The following NRXN3 variants were observed in gnomAD, a reference collection of about 807,000 sequenced individuals.
NRXN3 encodes neurexin III.
NRXN3 carries 32 observed loss-of-function variants against 137.6 expected under a neutral mutation model. The observed-to-expected ratio is 0.23, with a 90% confidence interval of 0.18 to 0.31. The LOEUF (loss-of-function observed/expected upper bound fraction) is 0.31, where lower values mean the gene tolerates loss of function less well. NRXN3 is among the 10% of genes least tolerant of loss of function. NRXN3 has a pLI of 1.00. For synonymous variants in NRXN3, 798 were observed against 784.5 expected, an observed-to-expected ratio of 1.02 and a Z score of -0.29; for missense variants, 1,574 against 2,062.5, an observed-to-expected ratio of 0.76 and a Z score of 4.59.
At chr14:78,318,954 C>G (rs1420433646) in intron 4 of NRXN3, among the ~76,000 whole-genome samples, 1 of 152,174 alleles carries the variant, frequency 6.6e-6, no homozygotes, top group African/African-American at 2.4e-5. Flanking sequence ...GCAGGTTCTG[C>G]GTGGGGAGGG....
intron 15 of NRXN3, among the ~76,000 whole-genome samples, chr14:79,422,338 C>T (rs1002077223): frequency 2.0e-5 from 3 of 152,108 alleles, no homozygotes; most frequent in Non-Finnish European, 4.4e-5. Flanking sequence ...TGTAGGATTA[C>T]AGGCATGAGC....
At chr14:79,481,071 T>G (rs2096603550) in intron 16 of NRXN3, among the ~76,000 whole-genome samples, 1 of 152,110 alleles carries the variant, frequency 6.6e-6, no homozygotes, top group South Asian at 2.1e-4. Context: ...TCAAGTGTAG[T>G]TCTAAGTGCT....
At chr14:78,290,003 C>G (rs1596871174) in intron 3 of NRXN3, among the ~76,000 whole-genome samples, 1 of 152,322 alleles carries the variant, frequency 6.6e-6, no homozygotes, top group East Asian at 1.9e-4. Context: ...ATAGTAGTTC[C>G]TTGAGCTGTT....
chr14:78,195,075 T>C, intron 1 of NRXN3, among the ~76,000 whole-genome samples: 1 of 146,356 alleles, frequency 6.8e-6, no homozygotes, highest in African/African-American at 2.8e-5. Flanking sequence ...CCCCCACCCT[T>C]TTTTTTCCCT....
At chr14:78,960,584 A>G (rs2099406189) in intron 11 of NRXN3, among the ~76,000 whole-genome samples, 1 of 152,208 alleles carries the variant, frequency 6.6e-6, no homozygotes. Context: ...AGTTCGGGTG[A>G]CAGTTAATAA....
intron 7 of NRXN3, chr14:78,709,975 C>T (rs929313680): frequency 2.7e-5 from 8 of 293,626 alleles, no homozygotes; most frequent in Non-Finnish European, 5.1e-5. Context: ...TGATCCGCCC[C>T]CATTGCCCCA....
intron 15 of NRXN3, among the ~76,000 whole-genome samples, chr14:79,172,006 C>A (rs1364957200): frequency 6.6e-6 from 1 of 152,006 alleles, no homozygotes; most frequent in Non-Finnish European, 1.5e-5. Context: ...AAAAGCAAAA[C>A]AAGACACATT....
intron 15 of NRXN3, among the ~76,000 whole-genome samples, chr14:79,399,626 A>G (rs2095132505): frequency 6.6e-6 from 1 of 152,254 alleles, no homozygotes; most frequent in Non-Finnish European, 1.5e-5. Flanking sequence ...AACTATAATT[A>G]TGCATTGATT....
At chr14:79,184,932 G>GT (rs887333061) in intron 15 of NRXN3, among the ~76,000 whole-genome samples, 6 of 151,954 alleles carry the variant, frequency 3.9e-5, no homozygotes, top group African/African-American at 1.2e-4. Context: ...AGGCTCTCAG[G>GT]TTTTTTTGAT....
intron 10 of NRXN3, among the ~76,000 whole-genome samples, chr14:78,843,802 T>C (rs1245808288): frequency 9.2e-5 from 14 of 152,150 alleles, no homozygotes. Flanking sequence ...ATATATAGGC[T>C]GAAGGACCTA....
chr14:78,928,458 A>C (rs1043390024), intron 10 of NRXN3, among the ~76,000 whole-genome samples: 2 of 151,358 alleles, frequency 1.3e-5, no homozygotes, highest in Admixed American at 6.6e-5. Flanking sequence ...CCTTACTCCC[A>C]CCCCACAACA....
At chr14:78,988,240 A>G in intron 15 of NRXN3, 99 bp downstream of exon 15, 1 of 1,422,008 alleles carries the variant, frequency 7.0e-7, no homozygotes, top group Non-Finnish European at 9.9e-7. Flanking sequence ...CTTCTGAAAG[A>G]TTCATAAGTA....
intron 16 of NRXN3, among the ~76,000 whole-genome samples, chr14:79,503,980 T>C (rs2096848910): frequency 6.6e-6 from 1 of 152,228 alleles, no homozygotes; most frequent in African/African-American, 2.4e-5. Context: ...CAAGGTACAA[T>C]TTCCATAGCT....
chr14:78,876,629 T>C (rs2152606479), intron 10 of NRXN3, among the ~76,000 whole-genome samples: 1 of 152,330 alleles, frequency 6.6e-6, no homozygotes, highest in African/African-American at 2.4e-5. Flanking sequence ...CTGTGAATTG[T>C]CTTCTTAATT....
chr14:79,019,575 G>T (rs2099585252), intron 15 of NRXN3, among the ~76,000 whole-genome samples: 1 of 152,092 alleles, frequency 6.6e-6, no homozygotes, highest in South Asian at 2.1e-4. Flanking sequence ...GTGAGGAAAA[G>T]AATTATGTCC....
chr14:78,470,798 A>G (rs2095248907), intron 4 of NRXN3, among the ~76,000 whole-genome samples: 1 of 152,196 alleles, frequency 6.6e-6, no homozygotes, highest in African/African-American at 2.4e-5. Context: ...ACTTTACAGT[A>G]TAAAAAATCC....
At chr14:79,406,833 T>G (rs1045532205) in intron 15 of NRXN3, among the ~76,000 whole-genome samples, 2 of 152,160 alleles carry the variant, frequency 1.3e-5, no homozygotes, top group Non-Finnish European at 2.9e-5. Context: ...AAAGGATTAT[T>G]TATGTTTTAT....
chr14:78,959,064 C>A (rs190406940), intron 11 of NRXN3, among the ~76,000 whole-genome samples: 1 of 151,828 alleles, frequency 6.6e-6, no homozygotes, highest in East Asian at 1.9e-4. Flanking sequence ...AATTTGGGGT[C>A]TTATAATTTA....
At chr14:79,749,955 C>A (rs914799780) in intron 19 of NRXN3, among the ~76,000 whole-genome samples, 7 of 152,128 alleles carry the variant, frequency 4.6e-5, no homozygotes, top group African/African-American at 1.4e-4. Flanking sequence ...TCTGAGCACA[C>A]AGAATTCTAA....
Sources: gnomAD v4.1 joint callset for allele counts (sites outside exome capture counted in the v4.1 genomes callset) on GRCh38, gnomAD v4.1.1 for gene constraint, MANE v1.5 for transcripts, NCBI Gene and HGNC (gene_info 2026-07-23, HGNC 2026-07-21) for gene names.